Variants in COX7A1 observed in about 807,000 individuals in gnomAD.
COX7A1 encodes the protein cytochrome c oxidase subunit 7A1, also known as cytochrome c oxidase subunit 7A1, mitochondrial.
COX7A1 carries 21 observed loss-of-function variants against 13.2 expected under a neutral mutation model. That is an observed-to-expected ratio of 1.59 (90% CI 1.13 to 2.29). The LOEUF (loss-of-function observed/expected upper bound fraction) is 2.29, where lower values mean the gene tolerates loss of function less well. Among genes scored for constraint, COX7A1 ranks in the 30% most tolerant of loss-of-function variants. The pLI is 0.00. For missense variants in COX7A1, 107 were observed against 100.0 expected (o/e 1.07, Z -0.30); for synonymous variants, 41 against 41.9 (o/e 0.98, Z 0.08).
intron 1 of COX7A1, 102 bp downstream of exon 1, chr19:36,152,291 G>A: frequency 1.2e-6 from 1 of 848,972 alleles, no homozygotes; most frequent in Non-Finnish European, 1.6e-6. Flanking sequence ...CCTGAAGGTG[G>A]CTCACGTTCC....
chr19:36,152,203 G>A (rs1452910701), intron 1 of COX7A1, among the ~76,000 whole-genome samples, 190 bp downstream of exon 1: 1 of 152,194 alleles, frequency 6.6e-6, no homozygotes, highest in Non-Finnish European at 1.5e-5. Flanking sequence ...CTTTGGGCCG[G>A]GGTGGGGGTC....
At chr19:36,151,144 G>T in intron 3 of COX7A1, 110 bp from the exon 4 acceptor site, 1 of 1,139,734 alleles carries the variant, frequency 8.8e-7, no homozygotes, top group Non-Finnish European at 1.3e-6. Context: ...CCCAGCTCTA[G>T]TTCGGACTCC....
rs112597968 is a variant in COX7A1 at position 36,151,036 on chromosome 19, T to C, written c.188-2A>G. ...GGGAGTACAAGCTGTAGACAGTGCC[T>C]AGAAAGGGGAAGCGTTGGAGACAGA... On this transcript the variant is annotated splice_acceptor_variant, in intron 3 of 3. Coordinates refer to ENST00000292907, the MANE Select transcript of COX7A1 (RefSeq NM_001864.4). LOFTEE classifies it high-confidence loss of function. 1 of 1,613,568 alleles carries C rather than the reference T, an allele frequency of 6.2e-7. No homozygotes were observed. Among genetic ancestry groups the C allele is most frequent in the East Asian group, 2.2e-5 (1 of 44,870 alleles).
In COX7A1 at chr19:36,151,475, C is replaced by G; in HGVS notation, c.174G>C (p.Thr58=). Residue 58 remains threonine (T), a synonymous_variant, in exon 3 of 4, where the codon ACG becomes ACC. Coordinates refer to ENST00000292907, the MANE Select transcript of COX7A1 (RefSeq NM_001864.4). ...CCCTGCGCTCACCGCCCAGACACAG[C>G]GTCATTGTCACTCGGTACAGGATGT... ...VDNILYRVTM[T]LCLGGTVYSL... The G allele has an allele frequency of 6.2e-7, 1 of 1,614,192 alleles. No homozygotes were observed. Among genetic ancestry groups the G allele is most frequent in the Non-Finnish European group, 8.5e-7 (1 of 1,180,032 alleles).
Position 36,151,666 on chromosome 19 carries a change from C to CG in COX7A1, c.102+2_102+3insC, listed in dbSNP as rs1555731435. 343 of 1,584,898 alleles carry CG rather than the reference C, an allele frequency of 2.2e-4. 3 individuals are homozygous for CG. In the East Asian group the frequency reaches 6.6e-3, roughly 30 times the overall value. ...CGGATCCCCACCCCCCCCGACCCCC[C>CG]ACCTGGAAGAGCTTCTGTTTCTCGC... On this transcript the variant is annotated splice_region_variant and intron_variant, in intron 2 of 3. Coordinates refer to ENST00000292907, the MANE Select transcript of COX7A1 (RefSeq NM_001864.4).
Position 36,151,538 on chromosome 19 carries a change from A to C in COX7A1, c.111T>G (p.Asn37Lys). The C allele has an allele frequency of 9.3e-6, 15 of 1,614,010 alleles. No individual in the cohort carries two copies. The highest frequency in any genetic ancestry group is 1.2e-5 in the Non-Finnish European group (14 of 1,179,966). ...REKQKLFQED[N>K]DIPLYLKGGI... The stretch of plus-strand genomic sequence containing the variant: ...CGCCCTTCAGGTACAACGGGATGTC[A>C]TTGTCCTCCTGGATGTGGGGGTGTC... Residue 37 changes from asparagine to lysine, a missense_variant, in exon 3 of 4, where the codon AAT becomes AAG. Transcript: ENST00000292907.
chr19:36,151,236 C>G (rs958623910), intron 3 of COX7A1, among the ~76,000 whole-genome samples: 11 of 152,140 alleles, frequency 7.2e-5, no homozygotes, highest in African/African-American at 2.7e-4. Flanking sequence ...TCCCCGACTC[C>G]TCCCTGGGCC....
intron 2 of COX7A1, 22 bp downstream of exon 2, chr19:36,151,647 C>CCCCCG: frequency 7.4e-7 from 1 of 1,352,758 alleles, no homozygotes; most frequent in Non-Finnish European, 1.0e-6. Flanking sequence ...GCGTCGGATC[C>CCCCCG]CCACCCCCCC....
chr19:36,151,427 G>A (rs199837220), intron 3 of COX7A1, 35 bp downstream of exon 3: 45 of 1,610,178 alleles, frequency 2.8e-5, no homozygotes, highest in Non-Finnish European at 3.6e-5. Context: ...GTCCAGCCCC[G>A]CCTCCCCCGC....
chr19:36,151,445 A>G lies in COX7A1; in HGVS notation c.187+17T>C, dbSNP rs1172858847. 7 of 1,613,526 alleles carry G rather than the reference A, an allele frequency of 4.3e-6. No individual in the cohort carries two copies. In the African/African-American group the frequency reaches 9.3e-5, roughly 22 times the overall value. ...CAGCCCCGCCTCCCCCGCAGCCCAGACGGGCCCTGCGCTCACCGCCCAGAC... is the reference window on the plus strand; with the variant it reads ...CAGCCCCGCCTCCCCCGCAGCCCAGGCGGGCCCTGCGCTCACCGCCCAGAC... On this transcript the variant is annotated intron_variant, in intron 3 of 3. Transcript: ENST00000292907.
At chr19:36,151,917 G>T in intron 1 of COX7A1, 162 bp from the exon 2 acceptor site, 1 of 762,768 alleles carries the variant, frequency 1.3e-6, no homozygotes, top group South Asian at 1.5e-5. Flanking sequence ...CGAACTGCCA[G>T]CTGGGTTGGG....
chr19:36,151,549 G>T lies in COX7A1; in HGVS notation c.103-3C>A, dbSNP rs958591246. 6 of 1,614,056 alleles carry T rather than the reference G, an allele frequency of 3.7e-6. No homozygotes were observed. Among genetic ancestry groups the T allele is most frequent in the Non-Finnish European group, 5.1e-6 (6 of 1,180,012 alleles). On this transcript the variant is annotated splice_region_variant and splice_polypyrimidine_tract_variant and intron_variant, in intron 2 of 3. Coordinates refer to ENST00000292907, the MANE Select transcript of COX7A1 (RefSeq NM_001864.4). Reference sequence around the variant, plus strand: ...TACAACGGGATGTCATTGTCCTCCTGGATGTGGGGGTGTCTGATGAGAAAG... The same window carrying T: ...TACAACGGGATGTCATTGTCCTCCTTGATGTGGGGGTGTCTGATGAGAAAG...
chr19:36,151,072 A>G (rs747653256), intron 3 of COX7A1, 38 bp from the exon 4 acceptor site: 1 of 1,599,092 alleles, frequency 6.3e-7, no homozygotes, highest in Non-Finnish European at 8.5e-7. Context: ...ATGAGACCTA[A>G]TCCCCTCCCT....
At position 36,150,952 on chromosome 19, in the gene COX7A1, A is replaced by G; in HGVS notation, c.*30T>C. 6.2e-7 allele frequency: 1 copy of G among 1,609,896 alleles called. No homozygotes were observed. Among genetic ancestry groups the G allele is most frequent in the Non-Finnish European group, 8.5e-7 (1 of 1,176,170 alleles). On this transcript the variant is annotated 3_prime_UTR_variant, in exon 4 of 4. Coordinates refer to ENST00000292907, the MANE Select transcript of COX7A1 (RefSeq NM_001864.4). ...GCCAGCGTTTATTGACACTTGTTCA[A>G]GTCTCTCAGGCCCCCCAGGCTTCTT... is the stretch of plus-strand genomic sequence containing the variant.
intron 1 of COX7A1, 101 bp downstream of exon 1, chr19:36,152,292 C>T: frequency 1.1e-6 from 1 of 874,774 alleles, no homozygotes; most frequent in South Asian, 3.7e-5. Context: ...CTGAAGGTGG[C>T]TCACGTTCCA....
intron 2 of COX7A1, 24 bp downstream of exon 2, chr19:36,151,645 T>TGGCCCCCC: frequency 2.2e-6 from 3 of 1,387,620 alleles, no homozygotes; most frequent in Non-Finnish European, 3.0e-6. Context: ...GCGCGTCGGA[T>TGGCCCCCC]CCCCACCCCC....
In COX7A1 at chr19:36,151,446, C is replaced by A. The variant is rs369936523; in HGVS notation, c.187+16G>T. The A allele has an allele frequency of 6.2e-7, 1 of 1,613,726 alleles. No individual in the cohort carries two copies. Among genetic ancestry groups the A allele is most frequent in the Admixed American group, 1.7e-5 (1 of 59,982 alleles). ...AGCCCCGCCTCCCCCGCAGCCCAGA[C>A]GGGCCCTGCGCTCACCGCCCAGACA... On this transcript the variant is annotated intron_variant, in intron 3 of 3. Transcript: ENST00000292907.
In COX7A1 at chr19:36,152,020, G is replaced by A. The variant is rs1307204942; in HGVS notation, c.16-265C>T. ...ACCCAGAAGGACTTTGTTCTGGGGG[G>A]CCTAAGTCCTGAGATTTTTGTTGGG... On this transcript the variant is annotated intron_variant, in intron 1 of 3. Coordinates refer to ENST00000292907, the MANE Select transcript of COX7A1 (RefSeq NM_001864.4). 6.5e-6 allele frequency: 4 copies of A among 613,114 alleles called. No homozygotes were observed. In the East Asian group the frequency reaches 1.1e-4, roughly 17 times the overall value. The allele number at this position is 613,114 out of a possible 1,614,324, so 38.0% of individuals were successfully genotyped here.
chr19:36,151,714 C>T lies in COX7A1; in HGVS notation c.57G>A (p.Arg19=). 3 of 1,419,936 alleles carry T rather than the reference C, an allele frequency of 2.1e-6. No homozygotes were observed. Among genetic ancestry groups the T allele is most frequent in the Non-Finnish European group, 2.8e-6 (3 of 1,061,920 alleles). 88.0% of individuals were successfully genotyped at this position (1,419,936 alleles called of 1,614,324 possible). The part of the protein sequence containing the change: ...ALIRSFSSTA[R]NRFQNRVREK... ...CGCGCACTCGGTTCTGAAAGCGGTTCCGGGCGGTGGAGCTGAAGGAGCGGA... is the reference window on the plus strand; with the variant it reads ...CGCGCACTCGGTTCTGAAAGCGGTTTCGGGCGGTGGAGCTGAAGGAGCGGA... Residue 19 remains arginine (R), a synonymous_variant, in exon 2 of 4, where the codon CGG becomes CGA. Transcript: ENST00000292907.
Sources: gnomAD v4.1 joint callset for allele counts (sites outside exome capture counted in the v4.1 genomes callset) on GRCh38, gnomAD v4.1.1 for gene constraint, MANE v1.5 for transcripts, NCBI Gene and HGNC (gene_info 2026-07-23, HGNC 2026-07-21) for gene names.